MYH11: variants seen among roughly 807,000 people sequenced by gnomAD.
MYH11 encodes the protein myosin heavy chain 11, also known as myosin-11.
In MYH11, 80 loss-of-function variants were observed where a neutral mutation model predicts 246.6. The ratio of observed to expected loss-of-function variants is 0.32; its 90% confidence interval spans 0.27 to 0.39. The LOEUF is 0.39. Ranked by LOEUF, MYH11 falls within the 10% of genes least tolerant of loss-of-function variation. MYH11 has a pLI of 1.00. For synonymous variants in MYH11, 1,071 were observed against 1,015.5 expected (o/e 1.05, Z -1.04); for missense variants, 2,158 against 2,546.8 (o/e 0.85, Z 3.29).
chr16:15,711,800 C>T (rs1306573089), intron 40 of MYH11, among the ~76,000 whole-genome samples: 2 of 152,116 alleles, frequency 1.3e-5, no homozygotes, highest in African/African-American at 4.8e-5. Context: ...TCAAGCGATT[C>T]TCCTGCCTCA....
At chr16:15,806,187 G>C (rs571566847) in intron 3 of MYH11, among the ~76,000 whole-genome samples, 1 of 145,862 alleles carries the variant, frequency 6.9e-6, no homozygotes, top group Admixed American at 7.2e-5. Context: ...TGAGGCAGGA[G>C]AATCACTTGA....
At position 15,719,594 on chromosome 16, in the gene MYH11, C is replaced by G. The variant is rs140956234; in HGVS notation, c.5073G>C (p.Gln1691His). The G allele has an allele frequency of 6.2e-7, 1 of 1,614,072 alleles. No individual in the cohort carries two copies. Among genetic ancestry groups the G allele is most frequent in the Non-Finnish European group, 8.5e-7 (1 of 1,180,054 alleles). Residue 1691 changes from glutamine to histidine, a missense_variant, in exon 35 of 41, where the codon CAG (glutamine) becomes CAC (histidine). Gln to His is a conservative substitution (Grantham distance 24). This residue lies in a region of MYH11 where 1,013 missense variants were observed against 993.5 expected (regional missense o/e 1.02). Coordinates refer to ENST00000300036, the MANE Select transcript of MYH11 (RefSeq NM_002474.3). ...KAKSLEADLM[Q>H]LQEDLAAAER... ...CAAGGCGAGGCTTTACCTCTTGTAG[C>G]TGCATGAGGTCTGCTTCCAAGCTCT...
chr16:15,824,395 A>G (rs2043504449), intron 2 of MYH11, among the ~76,000 whole-genome samples: 1 of 151,820 alleles, frequency 6.6e-6, no homozygotes, highest in Non-Finnish European at 1.5e-5. Context: ...CTCTCGCCTC[A>G]GCCTCCCAAG....
At chr16:15,814,117 G>A (rs1261916468) in intron 3 of MYH11, among the ~76,000 whole-genome samples, 2 of 149,040 alleles carry the variant, frequency 1.3e-5, no homozygotes, top group East Asian at 2.0e-4. Flanking sequence ...CAGCTTGCGC[G>A]ACAAGAGGGA....
chr16:15,747,805 G>A, intron 18 of MYH11, 69 bp downstream of exon 18: 1 of 1,612,162 alleles, frequency 6.2e-7, no homozygotes. Context: ...GGTAAGAACG[G>A]TCCCACCAAG....
chr16:15,834,637 C>G (rs2043843251), intron 2 of MYH11, among the ~76,000 whole-genome samples: 1 of 152,094 alleles, frequency 6.6e-6, no homozygotes, highest in African/African-American at 2.4e-5. Flanking sequence ...ACTTCCCCTA[C>G]TTAAGAAAGT....
intron 40 of MYH11, chr16:15,712,807 A>C (rs1012706878): frequency 6.6e-6 from 1 of 150,648 alleles, no homozygotes; most frequent in African/African-American, 2.4e-5. Context: ...ACCTCTGGCC[A>C]TTAGTGTCAC....
At chr16:15,828,622 G>A (rs757120906) in intron 2 of MYH11, among the ~76,000 whole-genome samples, 113 of 151,814 alleles carry the variant, frequency 7.4e-4, no homozygotes, top group Middle Eastern at 3.4e-3. Flanking sequence ...GCAAAACCCC[G>A]TCTCTACTAA....
intron 27 of MYH11, among the ~76,000 whole-genome samples, chr16:15,728,881 C>T (rs1326261281): frequency 1.3e-5 from 2 of 151,548 alleles, no homozygotes; most frequent in East Asian, 1.9e-4. Flanking sequence ...GCCTGGGCGA[C>T]AGAGTGAGAC....
intron 40 of MYH11, chr16:15,714,630 G>A: frequency 5.3e-6 from 3 of 566,800 alleles, no homozygotes; most frequent in Non-Finnish European, 9.5e-6. Context: ...AGACAGTGGG[G>A]ATAGCCTCTT....
At chr16:15,849,295 G>A (rs1329383031) in intron 1 of MYH11, among the ~76,000 whole-genome samples, 1 of 152,140 alleles carries the variant, frequency 6.6e-6, no homozygotes, top group Non-Finnish European at 1.5e-5. Flanking sequence ...GCTTCCCAAA[G>A]CTCTAGGATG....
intron 5 of MYH11, chr16:15,784,873 C>T: frequency 1.3e-6 from 1 of 775,122 alleles, no homozygotes; most frequent in Non-Finnish European, 2.1e-6. Context: ...TGTTTCTTTT[C>T]TCTCTGTTTA....
Position 15,732,548 on chromosome 16 carries a change from CACCAAAAAGCATT to C in MYH11, c.3651+3_3651+15del. 6.2e-7 allele frequency: 1 copy of C among 1,614,020 alleles called. No homozygotes were observed. The highest frequency in any genetic ancestry group is 8.5e-7 in the Non-Finnish European group (1 of 1,180,012). The stretch of plus-strand genomic sequence containing the variant: ...CTTATGTGTCATCACCAAAAAGCAT[CACCAAAAAGCATT>C]ACCCTCTTGAACTGCTCAAGCTGCT... On this transcript the variant is annotated splice_donor_5th_base_variant and intron_variant, in intron 27 of 40. Transcript: ENST00000300036.
intron 3 of MYH11, among the ~76,000 whole-genome samples, chr16:15,811,714 T>C (rs775652600): frequency 6.6e-6 from 1 of 152,128 alleles, no homozygotes; most frequent in South Asian, 2.1e-4. Context: ...TGTGGGAACT[T>C]GCAAAGTGGA....
intron 1 of MYH11, among the ~76,000 whole-genome samples, chr16:15,841,716 CAT>C (rs1354463075): frequency 1.3e-5 from 2 of 152,188 alleles, no homozygotes; most frequent in Non-Finnish European, 2.9e-5. Flanking sequence ...ACTCTCTGAC[CAT>C]AGCTGCAGGG....
Position 15,717,593 on chromosome 16 carries a change from G to C in MYH11, c.5296-245C>G, listed in dbSNP as rs140233469. 6.8e-6 allele frequency: 4 copies of C among 587,570 alleles called. No individual in the cohort carries two copies. In the African/African-American group the frequency reaches 7.5e-5, roughly 11 times the overall value. The allele number at this position is 587,570 out of a possible 1,614,324, so 36.4% of individuals were successfully genotyped here. A position where few individuals can be genotyped will look rare whatever the true frequency, so the allele number is the denominator to read the frequency against. On this transcript the variant is annotated intron_variant, in intron 37 of 40. Coordinates refer to ENST00000300036, the MANE Select transcript of MYH11 (RefSeq NM_002474.3). ...GTAAATCACTTGAGCTCAGGAGTTC[G>C]AGACCTGCCTGGCCAACATGGTGAA...
At chr16:15,846,170 C>T (rs1355237439) in intron 1 of MYH11, among the ~76,000 whole-genome samples, 2 of 152,050 alleles carry the variant, frequency 1.3e-5, no homozygotes, top group East Asian at 3.8e-4. Flanking sequence ...TTCTGCCTTT[C>T]ACATAAGGTG....
chr16:15,807,328 T>C (rs751028190), intron 3 of MYH11, among the ~76,000 whole-genome samples: 20 of 152,104 alleles, frequency 1.3e-4, no homozygotes, highest in Non-Finnish European at 2.5e-4. Flanking sequence ...GAGAAGTTCA[T>C]GACCCAGGGT....
Position 15,724,272 on chromosome 16 carries a change from C to G in MYH11, c.4254G>C (p.Leu1418=). 1 of 1,614,188 alleles carries G rather than the reference C, an allele frequency of 6.2e-7. No individual in the cohort carries two copies. The highest frequency in any genetic ancestry group is 8.5e-7 in the Non-Finnish European group (1 of 1,180,034). ...GCTGAAGCCTGTTCTTGGTCTTTTC[C>G]AGTTTATCATAAGCGGCCGCCTTCT... ...YEEKAAAYDK[L]EKTKNRLQQE... The change falls in exon 31 of 41, where the codon CTG becomes CTC. Residue 1418 remains leucine, a synonymous_variant. Transcript: ENST00000300036.
Sources: gnomAD v4.1 joint callset for allele counts (sites outside exome capture counted in the v4.1 genomes callset) on GRCh38, gnomAD v4.1.1 for gene constraint, gnomAD v4.1.1 regional missense constraint, MANE v1.5 for transcripts, NCBI Gene and HGNC (gene_info 2026-07-23, HGNC 2026-07-21) for gene names.